Variants in CISTR observed in about 807,000 individuals in gnomAD.
CISTR encodes chondrogenesis-associated transcript, also known as chondrogenic regulator lncRNA.
At chr12:53,747,148 T>G (rs1843535866) in intron 2 of CISTR, among the ~76,000 whole-genome samples, 2 of 152,204 alleles carry the variant, frequency 1.3e-5, no homozygotes, top group Non-Finnish European at 2.9e-5. Context: ...TCTGGTGACA[T>G]TCCTGGAGAA....
Position 53,752,310 on chromosome 12 carries a change from G to C in CISTR, n.415-1345C>G, listed in dbSNP as rs551034620. Among the ~76,000 whole-genome samples the C allele has an allele frequency of 3.3e-5, 5 of 152,320 alleles. No homozygotes were observed. The East Asian group carries it at 9.7e-4, about 29-fold the overall frequency. On this transcript the variant is annotated intron_variant and non_coding_transcript_variant, in intron 1 of 2. Transcript: ENST00000669269. ...GCTCTTCTGGACCGATCCAACCAGC[G>C]AAGTCGAATTTGGCTCGTGTCCTTC...
chr12:53,747,738 C>T (rs1937799216), intron 2 of CISTR, among the ~76,000 whole-genome samples: 1 of 152,104 alleles, frequency 6.6e-6, no homozygotes, highest in Non-Finnish European at 1.5e-5. Flanking sequence ...TTACTATGTA[C>T]AGGGTAGGTC....
chr12:53,753,196 C>T (rs1247720356), intron 1 of CISTR, among the ~76,000 whole-genome samples: 1 of 152,164 alleles, frequency 6.6e-6, no homozygotes, highest in African/African-American at 2.4e-5. Flanking sequence ...CTCCTGACTC[C>T]TAAGAAGCAG....
chr12:53,752,079 C>G (rs1937858904), intron 1 of CISTR, among the ~76,000 whole-genome samples: 1 of 152,126 alleles, frequency 6.6e-6, no homozygotes, highest in Non-Finnish European at 1.5e-5. Flanking sequence ...TGCAGCCGGG[C>G]TCCTCGCTGC....
intron 1 of CISTR, among the ~76,000 whole-genome samples, chr12:53,753,378 C>T (rs979176059): frequency 2.6e-5 from 4 of 152,124 alleles, no homozygotes; most frequent in Non-Finnish European, 4.4e-5. Flanking sequence ...GGCATGCCCT[C>T]AACAAAGGCT....
chr12:53,748,010 T>C (rs1026649724), intron 2 of CISTR, among the ~76,000 whole-genome samples: 2 of 152,180 alleles, frequency 1.3e-5, no homozygotes, highest in Admixed American at 6.5e-5. Context: ...CATGTAGATA[T>C]CTGGGTGGGA....
chr12:53,753,081 CACACACACAGAG>C (rs751077358), intron 1 of CISTR, among the ~76,000 whole-genome samples: 82 of 124,300 alleles, frequency 6.6e-4, no homozygotes, highest in Non-Finnish European at 7.9e-4. Flanking sequence ...CACACACACA[CACACACACAGAG>C]AGAGACACAC....
At chr12:53,750,520 TGTGA>T (rs1474126146) in exon 2 of CISTR, 8 of 152,458 alleles carry the variant, frequency 5.2e-5, no homozygotes, top group African/African-American at 1.4e-4. Context: ...AGGTAGAGTG[TGTGA>T]GTGTGTGTGT....
chr12:53,747,340 G>T (rs554191229), intron 2 of CISTR, among the ~76,000 whole-genome samples: 11 of 152,308 alleles, frequency 7.2e-5, no homozygotes, highest in Admixed American at 2.6e-4. Context: ...GCTAGCTTTG[G>T]AATCCCCTCC....
chr12:53,755,621 G>C (rs903126700), intron 1 of CISTR, among the ~76,000 whole-genome samples: 2 of 152,062 alleles, frequency 1.3e-5, no homozygotes, highest in African/African-American at 4.8e-5. Context: ...TGAACATTCT[G>C]AACTTTATTA....
intron 2 of CISTR, among the ~76,000 whole-genome samples, chr12:53,749,861 G>A (rs1937826846): frequency 6.6e-6 from 1 of 152,202 alleles, no homozygotes; most frequent in Admixed American, 6.5e-5. Context: ...GTGAAAATGG[G>A]AAGACATAGA....
At chr12:53,754,939 A>G (rs1444424504) in intron 1 of CISTR, among the ~76,000 whole-genome samples, 2 of 152,178 alleles carry the variant, frequency 1.3e-5, no homozygotes, top group African/African-American at 4.8e-5. Context: ...CCCAGAGAGC[A>G]AGACCCTGTC....
At position 53,751,408 on chromosome 12, in the gene CISTR, A is replaced by AC. The variant is rs1471169195; in HGVS notation, n.415-444dup. ...TCTTTCCCCAGCCCTGTCGCCTCCC[A>AC]CCCCCCTTCCGGCCGCGGCAGTTTC... On this transcript the variant is annotated intron_variant and non_coding_transcript_variant, in intron 1 of 2. Transcript: ENST00000669269. The surrounding 1 kb of genome is among the most constrained non-coding windows in gnomAD (Gnocchi z 4.6). Among the ~76,000 whole-genome samples, 1 of 150,370 alleles carries AC rather than the reference A, an allele frequency of 6.7e-6. No homozygotes were observed. Among genetic ancestry groups the AC allele is most frequent in the East Asian group, 2.0e-4 (1 of 5,116 alleles).
exon 3 of CISTR, among the ~76,000 whole-genome samples, chr12:53,746,797 A>C (rs917304364): frequency 6.6e-6 from 1 of 152,196 alleles, no homozygotes; most frequent in Admixed American, 6.5e-5. Flanking sequence ...AGCCCTTCGC[A>C]GATCGCTGCT....
intron 2 of CISTR, among the ~76,000 whole-genome samples, chr12:53,748,011 C>A (rs931070478): frequency 6.6e-6 from 1 of 152,182 alleles, no homozygotes; most frequent in South Asian, 2.1e-4. Context: ...ATGTAGATAT[C>A]TGGGTGGGAG....
chr12:53,751,173 C>A lies in CISTR; in HGVS notation n.415-208G>T, dbSNP rs1937845590. ...CTCCTGGCCCACAGGCCTCCGCACG[C>A]ACAGGACACACACACACACTCTCTC... On this transcript the variant is annotated intron_variant and non_coding_transcript_variant, in intron 1 of 2. Transcript: ENST00000669269. This position sits in a 1 kb window ranked among gnomAD's most constrained non-coding sequence, Gnocchi z 4.6. Among the ~76,000 whole-genome samples the A allele has an allele frequency of 6.6e-6, 1 of 152,064 alleles. No homozygotes were observed. Among genetic ancestry groups the A allele is most frequent in the Admixed American group, 6.6e-5 (1 of 15,262 alleles).
intron 1 of CISTR, among the ~76,000 whole-genome samples, chr12:53,754,834 A>T (rs893250395): frequency 3.3e-5 from 5 of 152,134 alleles, no homozygotes; most frequent in African/African-American, 1.2e-4. Flanking sequence ...TGCATGTTTC[A>T]GCACTAAAAG....
At chr12:53,755,528 G>T (rs1167887386) in intron 1 of CISTR, among the ~76,000 whole-genome samples, 1 of 152,174 alleles carries the variant, frequency 6.6e-6, no homozygotes, top group Non-Finnish European at 1.5e-5. Context: ...TAAAAGATGT[G>T]TGTATGTCGG....
In CISTR at chr12:53,756,352, G is replaced by T. The variant is rs576521603; in HGVS notation, n.414+462C>A. 2.6e-5 allele frequency among the ~76,000 whole-genome samples: 4 copies of T among 152,346 alleles called. No homozygotes were observed. Among genetic ancestry groups the T allele is most frequent in the African/African-American group, 7.2e-5 (3 of 41,576 alleles). On this transcript the variant is annotated intron_variant and non_coding_transcript_variant, in intron 1 of 2. Coordinates refer to ENST00000669269, the Ensembl canonical transcript of CISTR. The surrounding 1 kb of genome is among the most constrained non-coding windows in gnomAD (Gnocchi z 4.0). ...AACGGAGTAGAGAGGAGTGGGAAAA[G>T]ATCTGATTATTGTAATAATAGATGA... is the stretch of plus-strand genomic sequence containing the variant.
Sources: gnomAD v4.1 joint callset for allele counts (sites outside exome capture counted in the v4.1 genomes callset) on GRCh38, gnomAD v4.1.1 for gene constraint, Gnocchi (gnomAD v3.1) non-coding constraint, MANE v1.5 for transcripts, NCBI Gene and HGNC (gene_info 2026-07-23, HGNC 2026-07-21) for gene names.